LOXHD1: variants seen among roughly 807,000 people sequenced by gnomAD.
The protein encoded by LOXHD1 is lipoxygenase homology domain-containing protein 1.
LOXHD1 carries 205 observed loss-of-function variants against 248.2 expected under a neutral mutation model. The observed-to-expected ratio is 0.83, with a 90% confidence interval of 0.74 to 0.93. The LOEUF is 0.93. LOXHD1 is among the 40% of genes least tolerant of loss of function. LOXHD1 has a pLI of 0.00. For missense variants in LOXHD1, 2,930 were observed against 2,971.6 expected (o/e 0.99, Z 0.33); for synonymous variants, 1,113 against 1,162.8 (o/e 0.96, Z 0.87).
chr18:46,477,684 CT>C lies in LOXHD1; in HGVS notation c.6609del (p.Asp2204ThrfsTer80). Reference protein sequence around the residue: ...KMRNLFERGSTDRFFLETLEL... With the variant: ...KMRNLFERGSXDRFFLETLEL... ...TCCAGCGTCTCCAGGAAGAAGCGGT[CT>C]GTGCTGCCCCGCTCGAAGAGGTTGC... On this transcript the variant is annotated frameshift_variant, in exon 41 of 41. Transcript: ENST00000642948. LOFTEE classifies it high-confidence loss of function. 1 of 1,551,908 alleles carries C rather than the reference CT, an allele frequency of 6.4e-7. No homozygotes were observed. Among genetic ancestry groups the C allele is most frequent in the African/African-American group, 1.4e-5 (1 of 73,202 alleles).
In LOXHD1 at chr18:46,485,117, G is replaced by A. The variant is rs779218726; in HGVS notation, c.6084C>T (p.Gly2028=). The A allele has an allele frequency of 7.1e-5, 110 of 1,549,088 alleles. No homozygotes were observed. The highest frequency in any genetic ancestry group is 1.7e-4 in the South Asian group (14 of 83,772). The change falls in exon 39 of 41, where the codon GGC becomes GGT. Residue 2028 remains glycine, a synonymous_variant. Coordinates refer to ENST00000642948, the MANE Select transcript of LOXHD1 (RefSeq NM_001384474.1). Reference sequence around the variant, plus strand: ...TGAGCCAGACGTTCTCCCTGGTTTCGCCTCCGTTGCCCGTTTCTATGACGA... The same window carrying A: ...TGAGCCAGACGTTCTCCCTGGTTTCACCTCCGTTGCCCGTTTCTATGACGA... ...YEIVIETGNG[G]ETRENVWLIL... is the part of the protein sequence containing the mutation.
At chr18:46,654,323 C>A (rs776078979) in intron 1 of LOXHD1, among the ~76,000 whole-genome samples, 1 of 152,234 alleles carries the variant, frequency 6.6e-6, no homozygotes, top group Non-Finnish European at 1.5e-5. Flanking sequence ...TGACAACATC[C>A]CCAAGGAAGC....
chr18:46,614,458 C>T (rs1490091436), intron 5 of LOXHD1, among the ~76,000 whole-genome samples: 3 of 152,136 alleles, frequency 2.0e-5, no homozygotes, highest in Non-Finnish European at 4.4e-5. Context: ...TCTGAGCAAA[C>T]TATCGCAAGG....
rs1260307236 is a variant in LOXHD1, at chr18:46,563,226, C to T, written c.2438-1G>A. ...CAAATCTCAACCTCATAGTGGACCA[C>T]TGGGTGGGCACGTGCAGAAGAAGTG... On this transcript the variant is annotated splice_acceptor_variant, in intron 17 of 40. Coordinates refer to ENST00000642948, the MANE Select transcript of LOXHD1 (RefSeq NM_001384474.1). LOFTEE classifies it high-confidence loss of function. 1 of 1,498,242 alleles carries T rather than the reference C, an allele frequency of 6.7e-7. No individual in the cohort carries two copies. The allele number at this position is 1,498,242 out of a possible 1,614,324, so 92.8% of individuals were successfully genotyped here.
intron 19 of LOXHD1, 30 bp downstream of exon 19, chr18:46,560,053 C>CT: frequency 6.8e-6 from 3 of 442,622 alleles, no homozygotes; most frequent in South Asian, 2.2e-5. Context: ...GCCACTCCCT[C>CT]CCCACCCCCA....
chr18:46,580,617 TGATATTA>T (rs2037943472), intron 12 of LOXHD1, among the ~76,000 whole-genome samples: 1 of 152,234 alleles, frequency 6.6e-6, no homozygotes, highest in Admixed American at 6.5e-5. Flanking sequence ...ACAGGAATTC[TGATATTA>T]GAGTTAAGAG....
chr18:46,596,572 G>T (rs1599037678), intron 8 of LOXHD1, among the ~76,000 whole-genome samples: 1 of 152,190 alleles, frequency 6.6e-6, no homozygotes, highest in Admixed American at 6.5e-5. Context: ...TAGACAAAAG[G>T]TAGACAGGGA....
Position 46,560,308 on chromosome 18 carries a change from T to C in LOXHD1, c.2836A>G (p.Ser946Gly). The change falls in exon 19 of 41, where the codon AGC becomes GGC. Residue 946 changes from serine to glycine, a missense_variant. Coordinates refer to ENST00000642948, the MANE Select transcript of LOXHD1 (RefSeq NM_001384474.1). Reference sequence around the variant, plus strand: ...TCCTCCCCCTCGTCCTCTTCGTCGCTGCCCTTCCTCTTCTTCTTCTTCCTC... The same window carrying C: ...TCCTCCCCCTCGTCCTCTTCGTCGCCGCCCTTCCTCTTCTTCTTCTTCCTC... ...LQRKKKKRKG[S>G]DEEDEGEEEE... 1 of 1,551,872 alleles carries C rather than the reference T, an allele frequency of 6.4e-7. No homozygotes were observed. Among genetic ancestry groups the C allele is most frequent in the Non-Finnish European group, 8.7e-7 (1 of 1,146,974 alleles).
intron 1 of LOXHD1, among the ~76,000 whole-genome samples, chr18:46,652,044 C>T (rs2039118404): frequency 6.6e-6 from 1 of 152,194 alleles, no homozygotes; most frequent in Non-Finnish European, 1.5e-5. Flanking sequence ...CAACAGAATG[C>T]TACTCAGCAA....
chr18:46,580,661 T>A (rs2037943880), intron 12 of LOXHD1, among the ~76,000 whole-genome samples: 1 of 152,242 alleles, frequency 6.6e-6, no homozygotes, highest in African/African-American at 2.4e-5. Flanking sequence ...CAATGCAAAG[T>A]AAAATCATAA....
At chr18:46,654,508 C>A (rs1402144668) in intron 1 of LOXHD1, among the ~76,000 whole-genome samples, 1 of 152,204 alleles carries the variant, frequency 6.6e-6, no homozygotes, top group African/African-American at 2.4e-5. Flanking sequence ...GGAGAGAGAG[C>A]AATGTGCCAC....
At chr18:46,594,184 G>T (rs1159105782) in intron 9 of LOXHD1, 147 bp downstream of exon 9, 10 of 1,013,718 alleles carry the variant, frequency 9.9e-6, no homozygotes, top group African/African-American at 1.6e-5. Flanking sequence ...TGCTTGGCGG[G>T]GTTGGGGGAG....
At chr18:46,653,026 C>G (rs956959304) in intron 1 of LOXHD1, among the ~76,000 whole-genome samples, 1 of 152,306 alleles carries the variant, frequency 6.6e-6, no homozygotes, top group Non-Finnish European at 1.5e-5. Flanking sequence ...CCGAGACAGG[C>G]AGGTCATGAG....
Position 46,486,194 on chromosome 18 carries a change from T to C in LOXHD1, c.6050-1043A>G, listed in dbSNP as rs536975676. On this transcript the variant is annotated intron_variant, in intron 38 of 40. Coordinates refer to ENST00000642948, the MANE Select transcript of LOXHD1 (RefSeq NM_001384474.1). The stretch of plus-strand genomic sequence containing the variant: ...CACCCTGGAGGACACAGTAAGTGTC[T>C]GGCTCAAGTGTCCCCAGACATAGAC... Among the ~76,000 whole-genome samples the C allele has an allele frequency of 2.9e-3, 442 of 152,274 alleles. 9 individuals are homozygous for C. The highest frequency in any genetic ancestry group is 3.1e-3 in the Non-Finnish European group (210 of 68,020).
intron 21 of LOXHD1, among the ~76,000 whole-genome samples, chr18:46,550,348 T>C (rs1000623788): frequency 6.7e-6 from 1 of 148,818 alleles, no homozygotes; most frequent in South Asian, 2.1e-4. Context: ...CCGAGGCGGG[T>C]GGATCATGAG....
chr18:46,548,491 G>A (rs1030697229), intron 21 of LOXHD1, among the ~76,000 whole-genome samples: 1 of 152,202 alleles, frequency 6.6e-6, no homozygotes, highest in African/African-American at 2.4e-5. Context: ...GGATTTAAAG[G>A]AGCTCGACCT....
intron 6 of LOXHD1, among the ~76,000 whole-genome samples, chr18:46,604,554 T>C (rs1056084245): frequency 1.3e-5 from 2 of 152,226 alleles, no homozygotes; most frequent in African/African-American, 4.8e-5. Context: ...ACTGGAAGCC[T>C]GGATTTGCAA....
intron 23 of LOXHD1, 146 bp from the exon 24 acceptor site, chr18:46,543,001 C>A (rs1346535634): frequency 2.3e-5 from 27 of 1,173,656 alleles, no homozygotes; most frequent in Non-Finnish European, 2.9e-5. Context: ...CCATTGGCCA[C>A]CTTTGCACAG....
intron 22 of LOXHD1, among the ~76,000 whole-genome samples, chr18:46,546,436 T>C (rs1041563048): frequency 2.0e-5 from 3 of 151,320 alleles, no homozygotes; most frequent in African/African-American, 4.9e-5. Flanking sequence ...TCTACTTCAA[T>C]GCATTCCATT....
Sources: gnomAD v4.1 joint callset for allele counts (sites outside exome capture counted in the v4.1 genomes callset) on GRCh38, gnomAD v4.1.1 for gene constraint, MANE v1.5 for transcripts, NCBI Gene and HGNC (gene_info 2026-07-23, HGNC 2026-07-21) for gene names.